Variants in DNAH11 observed in about 807,000 individuals in gnomAD.
DNAH11 encodes dynein axonemal heavy chain 11.
In DNAH11, 442 loss-of-function variants were observed where a neutral mutation model predicts 526.0. The observed-to-expected ratio is 0.84, with a 90% CI of 0.78 to 0.91. DNAH11 has a LOEUF of 0.91. DNAH11 is among the 40% of genes least tolerant of loss of function. The probability of loss-of-function intolerance (pLI) is 0.00; values close to 1 mark genes in which losing one functional copy is unlikely to be tolerated. For synonymous variants in DNAH11, 2,461 were observed against 1,935.9 expected (o/e 1.27, Z -7.12); for missense variants, 6,989 against 5,448.7 (o/e 1.28, Z -8.90).
Position 21,852,470 on chromosome 7 carries a change from G to T in DNAH11, c.10900G>T (p.Val3634Leu). 6.2e-7 allele frequency: 1 copy of T among 1,610,556 alleles called. No individual in the cohort carries two copies. Among genetic ancestry groups the T allele is most frequent in the African/African-American group, 1.3e-5 (1 of 74,584 alleles). ...ERPDLEKLKLVLTKHQNDFKI... is the reference protein window; with the variant it reads ...ERPDLEKLKLLLTKHQNDFKI... ...CACTTTTCTTGGTTTTTATTAGTTG[G>T]TATTGACAAAGCACCAAAATGATTT... The change falls in exon 67 of 82, where the codon GTA (valine) becomes TTA (leucine). Residue 3634 changes from valine to leucine, a missense_variant. Transcript: ENST00000409508.
intron 40 of DNAH11, 50 bp downstream of exon 40, chr7:21,707,885 G>A (rs747179846): frequency 2.0e-6 from 3 of 1,516,160 alleles, no homozygotes; most frequent in Non-Finnish European, 2.6e-6. Flanking sequence ...TATCCAGAAA[G>A]CCGTTTTTCA....
intron 34 of DNAH11, among the ~76,000 whole-genome samples, chr7:21,690,356 T>C (rs949044690): frequency 1.2e-4 from 18 of 151,986 alleles, no homozygotes; most frequent in African/African-American, 4.3e-4. Flanking sequence ...AGACAAAACT[T>C]AAGACTGAGC....
intron 63 of DNAH11, among the ~76,000 whole-genome samples, chr7:21,814,928 A>G (rs1278516769): frequency 6.6e-6 from 1 of 152,174 alleles, no homozygotes; most frequent in African/African-American, 2.4e-5. Context: ...TGGACACAAT[A>G]CTATCGAAAC....
Position 21,556,084 on chromosome 7 carries a change from A to G in DNAH11, c.496-2718A>G, listed in dbSNP as rs189884204. ...CCCATTTCCTCATTAGTTGAGTACTATGGGGTTACAATTCTCACAGACGGT... is the reference window on the plus strand; with the variant it reads ...CCCATTTCCTCATTAGTTGAGTACTGTGGGGTTACAATTCTCACAGACGGT... On this transcript the variant is annotated intron_variant, in intron 2 of 81. Transcript: ENST00000409508. 1.6e-4 allele frequency among the ~76,000 whole-genome samples: 25 copies of G among 152,316 alleles called. No homozygotes were observed. In the East Asian group the frequency reaches 4.6e-3, roughly 28 times the overall value.
chr7:21,664,643 T>C (rs1018534405), intron 30 of DNAH11, among the ~76,000 whole-genome samples: 2 of 152,002 alleles, frequency 1.3e-5, no homozygotes, highest in African/African-American at 2.4e-5. Context: ...TTTTTTCTTA[T>C]GGAGAGGTGG....
chr7:21,748,319 A>G (rs1450367697), intron 51 of DNAH11, among the ~76,000 whole-genome samples: 1 of 152,150 alleles, frequency 6.6e-6, no homozygotes. Context: ...CCCCGTCTCT[A>G]CTAAAAATAC....
In DNAH11 at chr7:21,710,719, G is replaced by T. The variant is rs1189962651; in HGVS notation, c.6834+16G>T. 6.2e-7 allele frequency: 1 copy of T among 1,602,750 alleles called. No homozygotes were observed. The highest frequency in any genetic ancestry group is 2.2e-5 in the East Asian group (1 of 44,582). ...TGATAACAAGGTGAATAAAACCTCT[G>T]TTCTCAACCTTAAATATAACATCCT... On this transcript the variant is annotated intron_variant, in intron 41 of 81. Coordinates refer to ENST00000409508, the MANE Select transcript of DNAH11 (RefSeq NM_001277115.2).
At position 21,564,356 on chromosome 7, in the gene DNAH11, A is replaced by T. The variant is rs1351145848; in HGVS notation, c.1153A>T (p.Ile385Leu). 1.9e-6 allele frequency: 3 copies of T among 1,613,340 alleles called. No homozygotes were observed. In the African/African-American group the frequency reaches 4.0e-5, roughly 22 times the overall value. ...GTTTTATAACACCCCAGCTCGGGTT[A>T]TAGTTTTATTGCAAGAGTTTTGTAA... ...SKFYNTPARVIVLLQEFCNLF... is the reference protein window; with the variant it reads ...SKFYNTPARVLVLLQEFCNLF... Residue 385 changes from isoleucine (I) to leucine (L), a missense_variant, in exon 6 of 82, where the codon ATA becomes TTA. Ile to Leu is a conservative substitution (Grantham distance 5). Transcript: ENST00000409508.
intron 25 of DNAH11, among the ~76,000 whole-genome samples, chr7:21,620,589 G>A (rs1786000450): frequency 1.3e-5 from 2 of 151,802 alleles, no homozygotes; most frequent in African/African-American, 4.8e-5. Context: ...TATACTTTAA[G>A]TTTTAGGGTA....
chr7:21,730,676 A>G (rs1204042802), intron 45 of DNAH11, among the ~76,000 whole-genome samples: 1 of 152,222 alleles, frequency 6.6e-6, no homozygotes, highest in Non-Finnish European at 1.5e-5. Context: ...AATGGTGGCT[A>G]CCAGGGGCTG....
chr7:21,563,912 G>T (rs773351761), intron 5 of DNAH11, among the ~76,000 whole-genome samples: 3 of 151,976 alleles, frequency 2.0e-5, no homozygotes, highest in Non-Finnish European at 4.4e-5. Flanking sequence ...AGACTCCAGG[G>T]GTATTTTCCC....
At chr7:21,630,101 C>G (rs968144208) in intron 25 of DNAH11, among the ~76,000 whole-genome samples, 1 of 151,612 alleles carries the variant, frequency 6.6e-6, no homozygotes, top group Non-Finnish European at 1.5e-5. Flanking sequence ...ATTGTGGTTA[C>G]CATGAGTCGT....
intron 67 of DNAH11, among the ~76,000 whole-genome samples, chr7:21,853,666 AATAGAT>A (rs1782724965): frequency 6.6e-6 from 1 of 152,224 alleles, no homozygotes; most frequent in Non-Finnish European, 1.5e-5. Context: ...AGATAAAAGA[AATAGAT>A]ATTTGAGCCT....
intron 20 of DNAH11, among the ~76,000 whole-genome samples, chr7:21,612,602 A>G (rs562847255): frequency 6.6e-6 from 1 of 150,892 alleles, no homozygotes; most frequent in African/African-American, 2.4e-5. Context: ...TGATGGCTTT[A>G]CAGGTGAATC....
chr7:21,687,852 C>T (rs1424811326), intron 34 of DNAH11, among the ~76,000 whole-genome samples: 1 of 152,096 alleles, frequency 6.6e-6, no homozygotes, highest in African/African-American at 2.4e-5. Context: ...CCCAGAAGTT[C>T]AACACCAGAC....
At chr7:21,868,049 C>G (rs1783351554) in intron 72 of DNAH11, 42 bp downstream of exon 72, 2 of 1,426,226 alleles carry the variant, frequency 1.4e-6, no homozygotes, top group East Asian at 5.2e-5. Context: ...CTTCTCCCTC[C>G]CTCCCTTTCA....
Position 21,564,385 on chromosome 7 carries a change from C to T in DNAH11, c.1182C>T (p.Leu394=). Residue 394 remains leucine, a synonymous_variant, in exon 6 of 82, where the codon CTC becomes CTT. Coordinates refer to ENST00000409508, the MANE Select transcript of DNAH11 (RefSeq NM_001277115.2). Reference sequence around the variant, plus strand: ...TTTTATTGCAAGAGTTTTGTAATCTCTTCATTAACCAGGTATGAAGCATCA... The same window carrying T: ...TTTTATTGCAAGAGTTTTGTAATCTTTTCATTAACCAGGTATGAAGCATCA... ...VIVLLQEFCN[L]FINQATAYLS... is the part of the protein sequence containing the mutation. 1 of 1,611,562 alleles carries T rather than the reference C, an allele frequency of 6.2e-7. No homozygotes were observed. The highest frequency in any genetic ancestry group is 8.5e-7 in the Non-Finnish European group (1 of 1,178,828).
At position 21,661,285 on chromosome 7, in the gene DNAH11, C is replaced by T. The variant is rs1341566962; in HGVS notation, c.5328+2254C>T. Among the ~76,000 whole-genome samples, 3 of 151,822 alleles carry T rather than the reference C, an allele frequency of 2.0e-5. 1 individual carries two copies. The highest frequency in any genetic ancestry group is 7.3e-5 in the African/African-American group (3 of 41,354). ...CTTTGCTCATTTTTTATTTATTTTT[C>T]ACCTGATTGCTTATTTGTGAATTAA... On this transcript the variant is annotated intron_variant, in intron 30 of 81. Coordinates refer to ENST00000409508, the MANE Select transcript of DNAH11 (RefSeq NM_001277115.2).
In DNAH11 at chr7:21,683,850, C is replaced by T. The variant is rs1006074176; in HGVS notation, c.5527C>T (p.His1843Tyr). 6.2e-7 allele frequency: 1 copy of T among 1,613,496 alleles called. No homozygotes were observed. Among genetic ancestry groups the T allele is most frequent in the Non-Finnish European group, 8.5e-7 (1 of 1,179,606 alleles). The change falls in exon 32 of 82, where the codon CAC (histidine) becomes TAC (tyrosine). Residue 1843 changes from histidine to tyrosine, a missense_variant. His to Tyr is a moderately conservative substitution (Grantham distance 83). Coordinates refer to ENST00000409508, the MANE Select transcript of DNAH11 (RefSeq NM_001277115.2). ...LRHRWEDTQKHCFVNICDAQF... is the reference protein window; with the variant it reads ...LRHRWEDTQKYCFVNICDAQF... ...TCACCGATGGGAGGATACCCAGAAA[C>T]ACTGCTTTGTTAATATTTGTGATGC...
Sources: allele counts gnomAD v4.1 joint callset (sites outside exome capture counted in the v4.1 genomes callset), GRCh38; gene constraint gnomAD v4.1.1; transcripts MANE v1.5; gene names NCBI Gene and HGNC (gene_info 2026-07-23, HGNC 2026-07-21).